Variants in PLXDC2 observed in about 807,000 individuals in gnomAD.
The protein encoded by PLXDC2 is plexin domain containing 2, also known as plexin domain-containing protein 2.
In PLXDC2, 40 loss-of-function variants were observed where a neutral mutation model predicts 68.9. That is an observed-to-expected ratio of 0.58 (90% CI 0.45 to 0.76). The LOEUF is 0.76. PLXDC2 is among the 30% of genes least tolerant of loss of function. PLXDC2 has a pLI of 0.00. For synonymous variants in PLXDC2, 243 were observed against 234.2 expected, an observed-to-expected ratio of 1.04 and a Z score of -0.34; for missense variants, 644 against 661.9, an observed-to-expected ratio of 0.97 and a Z score of 0.30.
chr10:19,968,434 T>A (rs1057359688), intron 1 of PLXDC2, among the ~76,000 whole-genome samples: 1 of 152,142 alleles, frequency 6.6e-6, no homozygotes, highest in African/African-American at 2.4e-5. Flanking sequence ...AGCCTCAGCC[T>A]CCTGAGTCGC....
At chr10:20,174,676 G>C (rs1373424527) in intron 7 of PLXDC2, among the ~76,000 whole-genome samples, 1 of 152,034 alleles carries the variant, frequency 6.6e-6, no homozygotes, top group Non-Finnish European at 1.5e-5. Context: ...AAAGCATTAG[G>C]AGATATACCT....
intron 9 of PLXDC2, among the ~76,000 whole-genome samples, chr10:20,188,669 A>G (rs922979811): frequency 6.6e-6 from 1 of 151,832 alleles, no homozygotes; most frequent in Non-Finnish European, 1.5e-5. Context: ...GAGAAATATT[A>G]TAGAAAAAAT....
At chr10:19,925,142 A>G (rs1833519434) in intron 1 of PLXDC2, among the ~76,000 whole-genome samples, 1 of 152,212 alleles carries the variant, frequency 6.6e-6, no homozygotes, top group Non-Finnish European at 1.5e-5. Flanking sequence ...TGTATTTAAC[A>G]TCAAAGTGCC....
chr10:19,943,357 A>G (rs1833849394), intron 1 of PLXDC2, among the ~76,000 whole-genome samples: 1 of 152,150 alleles, frequency 6.6e-6, no homozygotes, highest in African/African-American at 2.4e-5. Flanking sequence ...TGTATAATCT[A>G]CTTTAGGTAT....
At chr10:19,935,894 T>C (rs79500019) in intron 1 of PLXDC2, among the ~76,000 whole-genome samples, 7,172 of 152,272 alleles carry the variant, frequency 0.047, 180 homozygotes, top group Non-Finnish European at 0.057. Context: ...CAGAATCTCA[T>C]CCATCCAATA....
intron 12 of PLXDC2, among the ~76,000 whole-genome samples, chr10:20,231,189 A>G (rs894283210): frequency 6.0e-5 from 9 of 151,144 alleles, no homozygotes; most frequent in Non-Finnish European, 1.0e-4. Flanking sequence ...GGAGAACAAT[A>G]TATCTACAAA....
chr10:20,090,685 A>G (rs1193790716), intron 4 of PLXDC2, among the ~76,000 whole-genome samples: 1 of 152,142 alleles, frequency 6.6e-6, no homozygotes, highest in Non-Finnish European at 1.5e-5. Flanking sequence ...TCTGTGCATA[A>G]TACTTGTGAA....
intron 7 of PLXDC2, among the ~76,000 whole-genome samples, chr10:20,168,612 A>G (rs994022849): frequency 6.6e-6 from 1 of 152,186 alleles, no homozygotes; most frequent in African/African-American, 2.4e-5. Context: ...GTTTTTCATA[A>G]AATGTATTTG....
At chr10:20,144,010 A>T (rs907299408) in intron 5 of PLXDC2, among the ~76,000 whole-genome samples, 2 of 149,432 alleles carry the variant, frequency 1.3e-5, no homozygotes, top group African/African-American at 4.9e-5. Context: ...AGAGAAAAAA[A>T]CTATAATAAA....
In PLXDC2 at chr10:20,245,405, T is replaced by G; in HGVS notation, c.1373T>G (p.Ile458Ser). The G allele has an allele frequency of 6.2e-7, 1 of 1,614,068 alleles. No individual in the cohort carries two copies. Among genetic ancestry groups the G allele is most frequent in the Non-Finnish European group, 8.5e-7 (1 of 1,179,978 alleles). Reference protein sequence around the residue: ...KGGTLHAGLIIGILILVLIVA... With the variant: ...KGGTLHAGLISGILILVLIVA... ...GGAACCCTCCACGCTGGCCTCATCA[T>G]TGGAATCCTCATCCTGGTCCTCATT... The change falls in exon 13 of 14, where the codon ATT becomes AGT. Residue 458 changes from isoleucine to serine, a missense_variant. By Grantham distance (142) the Ile-to-Ser change is moderately radical. Transcript: ENST00000377252.
At chr10:19,948,742 G>T (rs878992997) in intron 1 of PLXDC2, among the ~76,000 whole-genome samples, 4 of 151,956 alleles carry the variant, frequency 2.6e-5, no homozygotes, top group Non-Finnish European at 4.4e-5. Context: ...GATAATAAAA[G>T]AACTTGACTT....
intron 2 of PLXDC2, among the ~76,000 whole-genome samples, chr10:20,029,797 T>C (rs1356814845): frequency 1.3e-5 from 2 of 152,198 alleles, no homozygotes; most frequent in African/African-American, 2.4e-5. Flanking sequence ...GCTCAACAGA[T>C]TGTGCTTTTT....
chr10:20,061,449 A>G (rs1361970673), intron 3 of PLXDC2, among the ~76,000 whole-genome samples: 3 of 152,172 alleles, frequency 2.0e-5, no homozygotes, highest in African/African-American at 7.2e-5. Flanking sequence ...TTCCTCGTGC[A>G]TCATATCATG....
At chr10:19,994,375 C>A (rs374781740) in intron 1 of PLXDC2, among the ~76,000 whole-genome samples, 2 of 117,614 alleles carry the variant, frequency 1.7e-5, no homozygotes, top group East Asian at 5.6e-4. Context: ...GGCTGGAAGG[C>A]TAGAATGCAT....
chr10:20,185,024 G>A (rs952087571), intron 9 of PLXDC2, among the ~76,000 whole-genome samples: 9 of 151,732 alleles, frequency 5.9e-5, no homozygotes, highest in Middle Eastern at 3.2e-3. Context: ...GGGAAGGAGA[G>A]CATTAGGACA....
At chr10:20,107,425 T>C (rs1188889797) in intron 4 of PLXDC2, among the ~76,000 whole-genome samples, 1 of 152,170 alleles carries the variant, frequency 6.6e-6, no homozygotes, top group African/African-American at 2.4e-5. Context: ...AGAAGGCATA[T>C]GCATTGATGG....
At chr10:20,225,645 AC>A (rs1232157883) in intron 12 of PLXDC2, among the ~76,000 whole-genome samples, 2 of 152,198 alleles carry the variant, frequency 1.3e-5, no homozygotes, top group Non-Finnish European at 2.9e-5. Flanking sequence ...TCTCTCCCAA[AC>A]TTTTATCTAG....
At chr10:19,978,086 T>C (rs561809933) in intron 1 of PLXDC2, among the ~76,000 whole-genome samples, 1 of 152,296 alleles carries the variant, frequency 6.6e-6, no homozygotes, top group South Asian at 2.1e-4. Flanking sequence ...TGTGAGCAAA[T>C]CAGCATTCTA....
intron 1 of PLXDC2, among the ~76,000 whole-genome samples, chr10:19,847,235 A>G (rs913720212): frequency 5.9e-5 from 9 of 152,180 alleles, no homozygotes; most frequent in Non-Finnish European, 1.2e-4. Flanking sequence ...GCTTTTGTAT[A>G]AAGTGTTTGA....
Sources: gnomAD v4.1 joint callset for allele counts (sites outside exome capture counted in the v4.1 genomes callset) on GRCh38, gnomAD v4.1.1 for gene constraint, MANE v1.5 for transcripts, NCBI Gene and HGNC (gene_info 2026-07-23, HGNC 2026-07-21) for gene names.